The following ZNF571 variants were observed in gnomAD, a reference collection of about 807,000 sequenced individuals.
ZNF571 encodes zinc finger protein 571.
In ZNF571, 4 loss-of-function variants were observed where a neutral mutation model predicts 7.7. That is an observed-to-expected ratio of 0.52 (90% CI 0.25 to 1.18). The LOEUF (loss-of-function observed/expected upper bound fraction) is 1.18. Ranked by LOEUF, ZNF571 falls within the 50% of genes most tolerant of loss-of-function variation. The pLI, the probability that ZNF571 is intolerant of heterozygous loss-of-function variation, is 0.14. For synonymous variants in ZNF571, 251 were observed against 232.4 expected (o/e 1.08, Z -0.73); for missense variants, 704 against 726.9 (o/e 0.97, Z 0.36).
intron 1 of ZNF571, among the ~76,000 whole-genome samples, chr19:37,592,710 A>C (rs968028251): frequency 6.6e-6 from 1 of 152,278 alleles, no homozygotes; most frequent in Non-Finnish European, 1.5e-5. Context: ...AAGGTGATTT[A>C]GGGAAAATCT....
At position 37,593,450 on chromosome 19, in the gene ZNF571, T is replaced by C. The variant is rs1279102888; in HGVS notation, c.-70+1291A>G. ...CAGGCGCGGTGGCTCACGCCTGTAA[T>C]CCCAGCACTCTGGGAGGCCCAGGCG... On this transcript the variant is annotated intron_variant, in intron 1 of 3. Transcript: ENST00000451802. 3.3e-5 allele frequency among the ~76,000 whole-genome samples: 5 copies of C among 152,302 alleles called. No homozygotes were observed. The South Asian group carries it at 1.0e-3, about 32-fold the overall frequency.
chr19:37,591,198 A>G (rs2043858770), intron 1 of ZNF571, among the ~76,000 whole-genome samples: 1 of 152,250 alleles, frequency 6.6e-6, no homozygotes, highest in African/African-American at 2.4e-5. Context: ...ACTGTATACC[A>G]CAAGAGGAAT....
At chr19:37,576,753 C>T (rs1381524188) in intron 3 of ZNF571, among the ~76,000 whole-genome samples, 1 of 151,920 alleles carries the variant, frequency 6.6e-6, no homozygotes, top group Non-Finnish European at 1.5e-5. Context: ...TAGCAAAGAC[C>T]CAAACTGGGA....
chr19:37,576,447 G>C (rs2043245200), intron 3 of ZNF571, among the ~76,000 whole-genome samples: 1 of 152,090 alleles, frequency 6.6e-6, no homozygotes, highest in Non-Finnish European at 1.5e-5. Context: ...CTAATTAGCA[G>C]CTCGTAAAAC....
intron 3 of ZNF571, chr19:37,566,539 G>A: frequency 5.1e-6 from 2 of 394,758 alleles, no homozygotes; most frequent in Non-Finnish European, 9.0e-6. Flanking sequence ...ATGGCTTAGA[G>A]ACACCCAGGA....
rs192850120 is a variant in ZNF571 at position 37,566,442 on chromosome 19, A to C, written c.137-151T>G. On this transcript the variant is annotated intron_variant, in intron 3 of 3. Transcript: ENST00000451802. ...TTTTCTGCCATTTTTCTTTAAAGGC[A>C]CAAGGAGAGAATAAAGAAAAAGGAG... 449 of 836,412 alleles carry C rather than the reference A, an allele frequency of 5.4e-4. 1 individual carries two copies. The African/African-American group carries it at 6.9e-3, about 13-fold the overall frequency. 51.8% of individuals were successfully genotyped at this position (836,412 alleles called of 1,614,324 possible).
At chr19:37,567,093 T>A (rs1391344053) in intron 3 of ZNF571, among the ~76,000 whole-genome samples, 1 of 152,154 alleles carries the variant, frequency 6.6e-6, no homozygotes, top group Non-Finnish European at 1.5e-5. Flanking sequence ...CATGGCTTGT[T>A]CCCTCATTTC....
chr19:37,591,508 A>C (rs532057212), intron 1 of ZNF571, among the ~76,000 whole-genome samples: 56 of 152,356 alleles, frequency 3.7e-4, no homozygotes, highest in African/African-American at 1.3e-3. Flanking sequence ...ATATAAAGGG[A>C]AAGAATCAAA....
chr19:37,570,307 G>C (rs970936926), intron 3 of ZNF571, among the ~76,000 whole-genome samples: 5 of 152,014 alleles, frequency 3.3e-5, no homozygotes, highest in African/African-American at 1.2e-4. Flanking sequence ...TACAACCTCT[G>C]CCCCGCCTGT....
intron 3 of ZNF571, among the ~76,000 whole-genome samples, chr19:37,581,117 G>GT (rs1179058682): frequency 6.6e-6 from 1 of 152,008 alleles, no homozygotes; most frequent in African/African-American, 2.4e-5. Context: ...GCCTTAAAAC[G>GT]TGAGACCCCC....
Position 37,565,629 on chromosome 19 carries a change from T to C in ZNF571, c.799A>G (p.Thr267Ala), listed in dbSNP as rs907070254. The C allele has an allele frequency of 3.1e-6, 5 of 1,613,360 alleles. No individual in the cohort carries two copies. Among genetic ancestry groups the C allele is most frequent in the Non-Finnish European group, 4.2e-6 (5 of 1,179,744 alleles). ...CCACTATGAATTCTCTGATGAAGAG[T>C]ATATTGTGAACAATAACTAAAGGCT... is the stretch of plus-strand genomic sequence containing the variant. ...GKAFSYCSQYTLHQRIHSGEK... is the reference protein window; with the variant it reads ...GKAFSYCSQYALHQRIHSGEK... Residue 267 changes from threonine to alanine, a missense_variant, in exon 4 of 4, where the codon ACT becomes GCT. Transcript: ENST00000451802.
At chr19:37,575,449 T>C (rs566301392) in intron 3 of ZNF571, 46 of 152,360 alleles carry the variant, frequency 3.0e-4, no homozygotes, top group Admixed American at 1.2e-3. Context: ...CATGAAATTA[T>C]TGATTATTCA....
At chr19:37,593,771 G>C (rs899784145) in intron 1 of ZNF571, among the ~76,000 whole-genome samples, 1 of 152,110 alleles carries the variant, frequency 6.6e-6, no homozygotes, top group African/African-American at 2.4e-5. Flanking sequence ...GTGGAAAGGA[G>C]AGGTGTAGTG....
intron 3 of ZNF571, among the ~76,000 whole-genome samples, chr19:37,574,232 G>A (rs138293830): frequency 5.9e-5 from 9 of 152,062 alleles, no homozygotes; most frequent in South Asian, 2.1e-4. Context: ...TATTAAAACC[G>A]CAACGTATGC....
At chr19:37,576,743 T>C (rs548799302) in intron 3 of ZNF571, among the ~76,000 whole-genome samples, 1 of 152,290 alleles carries the variant, frequency 6.6e-6, no homozygotes, top group East Asian at 1.9e-4. Context: ...GAATACATGA[T>C]AGCAAAGACC....
In ZNF571 at chr19:37,565,950, T is replaced by C; in HGVS notation, c.478A>G (p.Asn160Asp). ...YLSCLIQHEE[N>D]HNIEKCSEVK... ...TCAGAGCATTTTTCTATATTATGAT[T>C]TTCCTCATGTTGAATAAGGCATGAC... The change falls in exon 4 of 4, where the codon AAT (asparagine) becomes GAT (aspartate). Residue 160 changes from asparagine (N) to aspartate (D), a missense_variant. Physicochemically the swap from Asn to Asp is conservative, Grantham distance 23. Transcript: ENST00000451802. 1 of 1,613,850 alleles carries C rather than the reference T, an allele frequency of 6.2e-7. No individual in the cohort carries two copies. The highest frequency in any genetic ancestry group is 8.5e-7 in the Non-Finnish European group (1 of 1,179,798).
chr19:37,577,513 C>T (rs2147181442), intron 3 of ZNF571, among the ~76,000 whole-genome samples: 1 of 151,946 alleles, frequency 6.6e-6, no homozygotes, highest in Middle Eastern at 3.4e-3. Context: ...ATATTAAGGA[C>T]AAAAAAAGCA....
At chr19:37,577,557 TAAC>T (rs1448787791) in intron 3 of ZNF571, among the ~76,000 whole-genome samples, 10 of 152,150 alleles carry the variant, frequency 6.6e-5, no homozygotes, top group Non-Finnish European at 1.0e-4. Flanking sequence ...TGTAATGAAT[TAAC>T]AACAATTTTA....
intron 3 of ZNF571, among the ~76,000 whole-genome samples, chr19:37,579,380 C>A (rs1172607868): frequency 6.6e-6 from 1 of 152,182 alleles, no homozygotes; most frequent in East Asian, 1.9e-4. Context: ...CCAACCCAAC[C>A]AGCTGACACC....
Sources: gnomAD v4.1 joint callset for allele counts (sites outside exome capture counted in the v4.1 genomes callset) on GRCh38, gnomAD v4.1.1 for gene constraint, MANE v1.5 for transcripts, NCBI Gene and HGNC (gene_info 2026-07-23, HGNC 2026-07-21) for gene names.